FRMD4A: variants seen among roughly 807,000 people sequenced by gnomAD.
FRMD4A encodes the protein FERM domain containing 4A.
In FRMD4A, 29 loss-of-function variants were observed where a neutral mutation model predicts 129.1. That is an observed-to-expected ratio of 0.22 (90% CI 0.17 to 0.31). The LOEUF (loss-of-function observed/expected upper bound fraction) is 0.31, where lower values mean the gene tolerates loss of function less well. FRMD4A is among the 10% of genes least tolerant of loss of function. The pLI is 1.00. For missense variants in FRMD4A, 1,272 were observed against 1,375.8 expected (o/e 0.92, Z 1.19); for synonymous variants, 634 against 571.6 (o/e 1.11, Z -1.56).
chr10:13,830,173 G>T (rs527433946), intron 3 of FRMD4A, among the ~76,000 whole-genome samples: 1 of 152,152 alleles, frequency 6.6e-6, no homozygotes, highest in African/African-American at 2.4e-5. Context: ...TGACCTCACT[G>T]CCACAAGTGT....
chr10:13,978,463 G>C (rs930343924), intron 2 of FRMD4A, among the ~76,000 whole-genome samples: 3 of 152,000 alleles, frequency 2.0e-5, no homozygotes, highest in South Asian at 4.2e-4. Flanking sequence ...AAATATTTTT[G>C]GAAGTTACCA....
At chr10:13,852,918 C>T (rs1030959935) in intron 3 of FRMD4A, among the ~76,000 whole-genome samples, 1 of 152,066 alleles carries the variant, frequency 6.6e-6, no homozygotes, top group African/African-American at 2.4e-5. Flanking sequence ...GATTATGAGC[C>T]CTGGGTAAGA....
At chr10:13,971,470 G>A (rs1258822701) in intron 2 of FRMD4A, among the ~76,000 whole-genome samples, 3 of 152,168 alleles carry the variant, frequency 2.0e-5, no homozygotes, top group Non-Finnish European at 4.4e-5. Flanking sequence ...TGCACTTCAC[G>A]TGGCGCACCG....
At chr10:13,989,175 C>T (rs938438158) in intron 2 of FRMD4A, among the ~76,000 whole-genome samples, 4 of 152,084 alleles carry the variant, frequency 2.6e-5, no homozygotes, top group Admixed American at 6.5e-5. Context: ...CCTCCCATCC[C>T]ACACTGCGTC....
intron 2 of FRMD4A, among the ~76,000 whole-genome samples, chr10:14,172,829 C>G (rs1458288775): frequency 3.3e-5 from 5 of 152,242 alleles, no homozygotes; most frequent in African/African-American, 7.2e-5. Flanking sequence ...TCTCAAAGAT[C>G]TGCCAGCCCG....
chr10:13,887,120 A>G (rs547680544), intron 2 of FRMD4A, among the ~76,000 whole-genome samples: 51 of 144,582 alleles, frequency 3.5e-4, no homozygotes, highest in Non-Finnish European at 6.0e-4. Flanking sequence ...CTAACAAGCT[A>G]GAGCCTACAA....
At chr10:14,007,295 C>A (rs967390685) in intron 2 of FRMD4A, 2 of 152,154 alleles carry the variant, frequency 1.3e-5, no homozygotes, top group African/African-American at 4.8e-5. Context: ...ACCAACAGAA[C>A]CACCATATAC....
chr10:13,656,617 C>CCTGGCCGCCCCCTCTCACCTGA lies in FRMD4A; in HGVS notation c.2950_2953+18dup. On this transcript the variant is annotated intron_variant, in intron 22 of 24. Coordinates refer to ENST00000357447, the MANE Select transcript of FRMD4A (RefSeq NM_018027.5). ...TCGCCCTCAGGTCTTCCCGCGTGCACCTGGCCGCCCCCTCTCACCTGACGT... is the reference window on the plus strand; with the variant it reads ...TCGCCCTCAGGTCTTCCCGCGTGCACCTGGCCGCCCCCTCTCACCTGACTGGCCGCCCCCTCTCACCTGACGT... 2 of 1,382,936 alleles carry CCTGGCCGCCCCCTCTCACCTGA rather than the reference C, an allele frequency of 1.4e-6. No individual in the cohort carries two copies. Among genetic ancestry groups the CCTGGCCGCCCCCTCTCACCTGA allele is most frequent in the South Asian group, 3.8e-5 (2 of 53,078 alleles). The allele number at this position is 1,382,936 out of a possible 1,614,324, so 85.7% of individuals were successfully genotyped here.
At chr10:13,835,343 G>T (rs1036611148) in intron 3 of FRMD4A, among the ~76,000 whole-genome samples, 2 of 152,158 alleles carry the variant, frequency 1.3e-5, no homozygotes, top group African/African-American at 2.4e-5. Context: ...CATGTAAACA[G>T]TCATCATTTT....
intron 2 of FRMD4A, among the ~76,000 whole-genome samples, chr10:14,204,623 C>T (rs970940269): frequency 6.6e-6 from 1 of 152,034 alleles, no homozygotes; most frequent in African/African-American, 2.4e-5. Context: ...AGGTAAACAG[C>T]ACATGGGGCC....
intron 2 of FRMD4A, among the ~76,000 whole-genome samples, chr10:13,958,115 T>C (rs1252120331): frequency 6.6e-6 from 1 of 152,092 alleles, no homozygotes; most frequent in Non-Finnish European, 1.5e-5. Flanking sequence ...ATCTCTTTCC[T>C]ACTTAGGCGA....
intron 2 of FRMD4A, among the ~76,000 whole-genome samples, chr10:14,009,124 G>A (rs2095672317): frequency 6.6e-6 from 1 of 152,200 alleles, no homozygotes; most frequent in Admixed American, 6.5e-5. Flanking sequence ...TGATCATATT[G>A]TGTAATTTCA....
intron 2 of FRMD4A, among the ~76,000 whole-genome samples, chr10:14,020,386 CAGCTG>C (rs1182012508): frequency 6.6e-6 from 1 of 152,180 alleles, no homozygotes; most frequent in African/African-American, 2.4e-5. Context: ...AATATGGAAA[CAGCTG>C]TTCTTGAGAT....
chr10:14,328,352 CTG>C (rs1368391804), intron 2 of FRMD4A, among the ~76,000 whole-genome samples: 5 of 78,786 alleles, frequency 6.3e-5, no homozygotes, highest in Non-Finnish European at 6.9e-5. Context: ...CCAGAAGAGC[CTG>C]TGTGTGTGTG....
chr10:13,976,319 G>A (rs184469707), intron 2 of FRMD4A, among the ~76,000 whole-genome samples: 3 of 152,276 alleles, frequency 2.0e-5, no homozygotes, highest in South Asian at 2.1e-4. Context: ...GACCTGGGAG[G>A]GAGGCAGGTG....
intron 8 of FRMD4A, among the ~76,000 whole-genome samples, chr10:13,758,065 G>T (rs980528704): frequency 6.6e-6 from 1 of 152,162 alleles, no homozygotes; most frequent in Non-Finnish European, 1.5e-5. Context: ...TTTTGTAAAA[G>T]CAATCCCCTT....
At position 13,654,480 on chromosome 10, in the gene FRMD4A, G is replaced by T. The variant is rs1564518674; in HGVS notation, c.2986C>A (p.Pro996Thr). Residue 996 changes from proline (P) to threonine (T), a missense_variant, in exon 23 of 25, where the codon CCG becomes ACG. Transcript: ENST00000357447. Reference protein sequence around the residue: ...ALPQSQRSSTPSSEIGATPPS... With the variant: ...ALPQSQRSSTTSSEIGATPPS... ...GGGGTGGCTCCAATTTCACTTGACGGTGTCGAGCTTCTCTGGCTTTGAGGT... is the reference window on the plus strand; with the variant it reads ...GGGGTGGCTCCAATTTCACTTGACGTTGTCGAGCTTCTCTGGCTTTGAGGT... 3.1e-6 allele frequency: 5 copies of T among 1,613,870 alleles called. No homozygotes were observed. Among genetic ancestry groups the T allele is most frequent in the Non-Finnish European group, 4.2e-6 (5 of 1,179,754 alleles).
chr10:14,128,598 T>C (rs1182450722), intron 2 of FRMD4A, among the ~76,000 whole-genome samples: 1 of 152,224 alleles, frequency 6.6e-6, no homozygotes, highest in Non-Finnish European at 1.5e-5. Context: ...TGGATTTACA[T>C]ATCATACCTG....
chr10:14,180,731 A>C (rs1489295407), intron 2 of FRMD4A, among the ~76,000 whole-genome samples: 3 of 152,212 alleles, frequency 2.0e-5, no homozygotes, highest in African/African-American at 7.2e-5. Flanking sequence ...CTCCAAACGC[A>C]GGTTTTCTCA....
Sources: gnomAD v4.1 joint callset for allele counts (sites outside exome capture counted in the v4.1 genomes callset) on GRCh38, gnomAD v4.1.1 for gene constraint, MANE v1.5 for transcripts, NCBI Gene and HGNC (gene_info 2026-07-23, HGNC 2026-07-21) for gene names.